Variants in DNAJC6 observed in about 807,000 individuals in gnomAD.
DNAJC6 encodes auxilin.
DNAJC6 carries 34 observed loss-of-function variants against 110.0 expected under a neutral mutation model. The ratio of observed to expected loss-of-function variants is 0.31; its 90% CI spans 0.24 to 0.41. The LOEUF (loss-of-function observed/expected upper bound fraction) is 0.41, where lower values mean the gene tolerates loss of function less well. DNAJC6 is among the 10% of genes least tolerant of loss of function. The pLI is 1.00. For missense variants in DNAJC6, 1,031 were observed against 1,207.8 expected (o/e 0.85, Z 2.17); for synonymous variants, 406 against 437.2 (o/e 0.93, Z 0.89).
At chr1:65,406,266 G>A in intron 16 of DNAJC6, 133 bp downstream of exon 16, 1 of 1,285,474 alleles carries the variant, frequency 7.8e-7, no homozygotes, top group East Asian at 2.4e-5. Flanking sequence ...GAATCTTATA[G>A]TTGTAGAGAT....
intron 1 of DNAJC6, among the ~76,000 whole-genome samples, chr1:65,332,396 C>A (rs1215147149): frequency 6.6e-6 from 1 of 152,090 alleles, no homozygotes; most frequent in East Asian, 1.9e-4. Context: ...GGTTTCTTAG[C>A]AGGATGATAG....
intron 11 of DNAJC6, among the ~76,000 whole-genome samples, chr1:65,391,398 T>C (rs1268867682): frequency 6.6e-6 from 1 of 152,178 alleles, no homozygotes; most frequent in Non-Finnish European, 1.5e-5. Context: ...AAGATCTATC[T>C]CAGGGAGGGC....
At chr1:65,309,991 C>T in intron 1 of DNAJC6, 53 bp downstream of exon 1, 5 of 1,363,800 alleles carry the variant, frequency 3.7e-6, no homozygotes, top group Non-Finnish European at 4.7e-6. Flanking sequence ...CCTCCGGAGC[C>T]TCCCAGTCGC....
Position 65,343,682 on chromosome 1 carries a change from T to C in DNAJC6, c.194-20953T>C, listed in dbSNP as rs953746622. On this transcript the variant is annotated intron_variant, in intron 1 of 18. Transcript: ENST00000371069. ...AGTAGTGATGCCAGCAACTTGGATA[T>C]GCCAGAGAAAAGCTGCAGGGTGCTC... Among the ~76,000 whole-genome samples, 7 of 152,064 alleles carry C rather than the reference T, an allele frequency of 4.6e-5. No homozygotes were observed. The South Asian group carries it at 8.3e-4, about 18-fold the overall frequency.
intron 1 of DNAJC6, among the ~76,000 whole-genome samples, chr1:65,302,543 T>TTG (rs1644997899): frequency 7.2e-6 from 1 of 139,308 alleles, no homozygotes; most frequent in Admixed American, 7.2e-5. Context: ...TTTTTTTTTT[T>TTG]TTTGAGACGG....
intron 17 of DNAJC6, among the ~76,000 whole-genome samples, 153 bp downstream of exon 17, chr1:65,408,936 C>T (rs1052273846): frequency 7.6e-6 from 1 of 130,862 alleles, no homozygotes; most frequent in Non-Finnish European, 1.6e-5. Flanking sequence ...GGCTTATAAA[C>T]AACAGGATTT....
upstream of DNAJC6, among the ~76,000 whole-genome samples, chr1:65,308,031 A>G (rs955549710): frequency 6.6e-6 from 1 of 152,182 alleles, no homozygotes; most frequent in Non-Finnish European, 1.5e-5. Flanking sequence ...TCTTCCTACA[A>G]GAATCTGTGT....
At chr1:65,354,707 T>C (rs891304158) in intron 1 of DNAJC6, among the ~76,000 whole-genome samples, 1 of 152,166 alleles carries the variant, frequency 6.6e-6, no homozygotes, top group Non-Finnish European at 1.5e-5. Flanking sequence ...CTGTAAGTGA[T>C]GACAAAAGCT....
chr1:65,291,796 A>G (rs1644877679), intron 1 of DNAJC6, among the ~76,000 whole-genome samples: 2 of 152,198 alleles, frequency 1.3e-5, no homozygotes, highest in Non-Finnish European at 1.5e-5. Flanking sequence ...GAAAAGTTTG[A>G]TAGAAAAGCT....
intron 1 of DNAJC6, among the ~76,000 whole-genome samples, chr1:65,327,090 T>G (rs995539512): frequency 2.0e-5 from 3 of 152,148 alleles, no homozygotes; most frequent in African/African-American, 7.2e-5. Context: ...AGAGGGTTGA[T>G]GAAGGCTTCT....
chr1:65,360,596 C>G (rs971693176), intron 1 of DNAJC6, among the ~76,000 whole-genome samples: 1 of 152,298 alleles, frequency 6.6e-6, no homozygotes, highest in Middle Eastern at 3.4e-3. Flanking sequence ...TTATGCTGCT[C>G]TATCCTCACT....
chr1:65,298,713 A>G (rs978791586), intron 1 of DNAJC6: 5 of 152,216 alleles, frequency 3.3e-5, no homozygotes, highest in African/African-American at 4.8e-5. Flanking sequence ...ACAAACTTCT[A>G]TGTAATTCAA....
chr1:65,276,097 G>A (rs1332864119), intron 1 of DNAJC6, among the ~76,000 whole-genome samples: 1 of 152,090 alleles, frequency 6.6e-6, no homozygotes, highest in South Asian at 2.1e-4. Context: ...GGCCAGGCTG[G>A]TCTTGAACTC....
In DNAJC6 at chr1:65,309,584, C is replaced by T. The variant is rs1236828527; in HGVS notation, c.-162C>T. The T allele has an allele frequency of 1.5e-6, 2 of 1,292,042 alleles. No homozygotes were observed. Among genetic ancestry groups the T allele is most frequent in the African/African-American group, 1.6e-5 (1 of 62,322 alleles). The allele number at this position is 1,292,042 out of a possible 1,614,324, so 80.0% of individuals were successfully genotyped here. On this transcript the variant is annotated 5_prime_UTR_variant, in exon 1 of 19. Coordinates refer to ENST00000371069, the MANE Select transcript of DNAJC6 (RefSeq NM_001256864.2). ...AGGGCGGCGGCTTCGCCTCGCCCGG[C>T]GAAGCTTCTCTCCGGTGGCCGCTCC...
At chr1:65,379,284 C>T (rs750144752) in intron 4 of DNAJC6, 118 bp from the exon 5 acceptor site, 80 of 1,286,830 alleles carry the variant, frequency 6.2e-5, no homozygotes, top group Non-Finnish European at 8.3e-5. Flanking sequence ...CCCACTATTC[C>T]TATCTATATT....
intron 15 of DNAJC6, among the ~76,000 whole-genome samples, chr1:65,404,795 G>A (rs1646059831): frequency 6.6e-6 from 1 of 152,154 alleles, no homozygotes; most frequent in Non-Finnish European, 1.5e-5. Context: ...GACATTTGGA[G>A]GTAGGATGCA....
At chr1:65,390,535 T>C (rs1006717646) in intron 11 of DNAJC6, among the ~76,000 whole-genome samples, 2 of 152,242 alleles carry the variant, frequency 1.3e-5, no homozygotes, top group African/African-American at 4.8e-5. Context: ...GGCATCCTAA[T>C]CAATACCCAT....
intron 4 of DNAJC6, among the ~76,000 whole-genome samples, chr1:65,377,893 T>A (rs2101585570): frequency 6.6e-6 from 1 of 152,348 alleles, no homozygotes; most frequent in Non-Finnish European, 1.5e-5. Flanking sequence ...GTATGAAGCC[T>A]CTTCTTTCTG....
At chr1:65,344,693 A>G (rs1645421012) in intron 1 of DNAJC6, among the ~76,000 whole-genome samples, 2 of 152,120 alleles carry the variant, frequency 1.3e-5, no homozygotes, top group South Asian at 4.1e-4. Context: ...CTTTTATTTT[A>G]GGATTTCCAC....
Sources: gnomAD v4.1 joint callset for allele counts (sites outside exome capture counted in the v4.1 genomes callset) on GRCh38, gnomAD v4.1.1 for gene constraint, MANE v1.5 for transcripts, NCBI Gene and HGNC (gene_info 2026-07-23, HGNC 2026-07-21) for gene names.